The following NF1 variants were observed in gnomAD, a reference collection of about 807,000 sequenced individuals.
The protein encoded by NF1 is neurofibromin 1.
Under a neutral mutation model 325.7 loss-of-function variants are expected in NF1, and 122 were observed. The observed-to-expected ratio is 0.37, with a 90% CI of 0.32 to 0.44. The LOEUF (loss-of-function observed/expected upper bound fraction) is 0.44, where lower values mean the gene tolerates loss of function less well. Among genes scored for constraint, NF1 ranks in the 20% least tolerant of loss-of-function variants. The pLI is 1.00. For missense variants in NF1, 2,140 were observed against 3,415.4 expected, an observed-to-expected ratio of 0.63 and a Z score of 9.31; for synonymous variants, 1,091 against 1,186.0, an observed-to-expected ratio of 0.92 and a Z score of 1.65.
chr17:31,320,549 A>G, intron 36 of NF1: 1 of 864,238 alleles, frequency 1.2e-6, no homozygotes, highest in Admixed American at 2.3e-5. Flanking sequence ...AAGAAATGTG[A>G]TACGTTGAGT....
intron 29 of NF1, among the ~76,000 whole-genome samples, chr17:31,248,489 A>G (rs577842713): frequency 7.2e-5 from 11 of 152,112 alleles, no homozygotes; most frequent in African/African-American, 2.7e-4. Flanking sequence ...TATATCTAAG[A>G]CTAGTTTTCT....
intron 36 of NF1, among the ~76,000 whole-genome samples, chr17:31,280,914 A>G (rs2068107159): frequency 6.6e-6 from 1 of 151,826 alleles, no homozygotes; most frequent in Admixed American, 6.6e-5. Context: ...TTCTTAAAGG[A>G]AAGTTTATAC....
Position 31,260,355 on chromosome 17 carries a change from T to C in NF1, c.4431-14T>C, listed in dbSNP as rs1157589742. On this transcript the variant is annotated splice_polypyrimidine_tract_variant and intron_variant, in intron 33 of 57. Transcript: ENST00000358273. ...TCTGGTGTTGAAAATTCTAATGACTTTGCATTTTTGAAGGTTTTTCCTTGA... is the reference window on the plus strand; with the variant it reads ...TCTGGTGTTGAAAATTCTAATGACTCTGCATTTTTGAAGGTTTTTCCTTGA... 3.1e-6 allele frequency: 5 copies of C among 1,613,440 alleles called. No individual in the cohort carries two copies. Among genetic ancestry groups the C allele is most frequent in the Non-Finnish European group, 4.2e-6 (5 of 1,179,770 alleles).
intron 36 of NF1, among the ~76,000 whole-genome samples, chr17:31,282,132 C>T (rs2068130994): frequency 2.6e-5 from 4 of 151,834 alleles, no homozygotes; most frequent in Admixed American, 6.6e-5. Flanking sequence ...CCTGTAATCC[C>T]AGCACTTTGG....
intron 48 of NF1, among the ~76,000 whole-genome samples, 177 bp from the exon 49 acceptor site, chr17:31,348,939 ATAAT>A (rs1455648758): frequency 1.3e-5 from 2 of 152,204 alleles, no homozygotes; most frequent in African/African-American, 2.4e-5. Flanking sequence ...AATCTTATAC[ATAAT>A]TAATTATTCT....
At chr17:31,270,256 C>A (rs1014341909) in intron 36 of NF1, among the ~76,000 whole-genome samples, 1 of 152,184 alleles carries the variant, frequency 6.6e-6, no homozygotes, top group South Asian at 2.1e-4. Context: ...TTATCTATCT[C>A]TATGTTGTTT....
chr17:31,335,939 G>A (rs1001869337), intron 40 of NF1, among the ~76,000 whole-genome samples: 8 of 144,996 alleles, frequency 5.5e-5, no homozygotes, highest in Admixed American at 2.9e-4. Context: ...CAATCCGCCC[G>A]CCTCAGCCTC....
chr17:31,317,745 TA>T (rs1475012566), intron 36 of NF1: 1 of 152,230 alleles, frequency 6.6e-6, no homozygotes, highest in Non-Finnish European at 1.5e-5. Flanking sequence ...AACACTTTCT[TA>T]CGTGTGCCAT....
chr17:31,310,340 A>C (rs1426742267), intron 36 of NF1, among the ~76,000 whole-genome samples: 1 of 152,122 alleles, frequency 6.6e-6, no homozygotes. Flanking sequence ...GAAAAGAAGA[A>C]AAGTTAATAA....
chr17:31,298,683 G>A (rs2068514746), intron 36 of NF1, among the ~76,000 whole-genome samples: 1 of 151,974 alleles, frequency 6.6e-6, no homozygotes, highest in Non-Finnish European at 1.5e-5. Flanking sequence ...ACTCTCAATT[G>A]GATTCTTACT....
rs377481833 is a variant in NF1, at chr17:31,163,353, A to G, written c.456A>G (p.Ala152=). The change falls in exon 4 of 58, where the codon GCA becomes GCG. Residue 152 remains alanine (A), a synonymous_variant. Transcript: ENST00000358273. ...LFSLSCNNFN[A]VFSRISTRLQ... ...CTCTCAGCTGCAACAACTTCAATGCAGTCTTTAGTCGCATTTCTACCAGGT... is the reference window on the plus strand; with the variant it reads ...CTCTCAGCTGCAACAACTTCAATGCGGTCTTTAGTCGCATTTCTACCAGGT... 17 of 1,614,062 alleles carry G rather than the reference A, an allele frequency of 1.1e-5. No homozygotes were observed. In the African/African-American group the frequency reaches 2.1e-4, roughly 20 times the overall value.
intron 1 of NF1, among the ~76,000 whole-genome samples, chr17:31,104,995 C>G (rs140398049): frequency 1.3e-5 from 2 of 152,286 alleles, no homozygotes; most frequent in African/African-American, 2.4e-5. Context: ...GCCTCGAACT[C>G]CTGGGCTCAA....
chr17:31,248,631 T>G (rs1314297324), intron 29 of NF1, among the ~76,000 whole-genome samples: 3 of 152,158 alleles, frequency 2.0e-5, no homozygotes, highest in Non-Finnish European at 4.4e-5. Flanking sequence ...ACCTCCCAGG[T>G]TCAAGTGATT....
chr17:31,351,541 C>T (rs1272392899), intron 50 of NF1, among the ~76,000 whole-genome samples: 2 of 152,130 alleles, frequency 1.3e-5, no homozygotes, highest in Non-Finnish European at 2.9e-5. Context: ...CTCATCCTCC[C>T]GAGTAGCTGG....
chr17:31,145,289 T>C (rs1916510323), intron 1 of NF1, among the ~76,000 whole-genome samples: 1 of 152,026 alleles, frequency 6.6e-6, no homozygotes, highest in Non-Finnish European at 1.5e-5. Context: ...GCCTCCCGGG[T>C]TCAAGCAATT....
rs2070593876 is a variant in NF1 at position 31,369,613 on chromosome 17, A to C, written c.8378-4400A>C. On this transcript the variant is annotated intron_variant, in intron 57 of 57. Coordinates refer to ENST00000358273, the MANE Select transcript of NF1 (RefSeq NM_001042492.3). The stretch of plus-strand genomic sequence containing the variant: ...GTTTGTTGTCCACCAAAGGCCAGAA[A>C]GGAGAGCCAATGCTTTAGGGGCAAA... Among the ~76,000 whole-genome samples, 2 of 152,236 alleles carry C rather than the reference A, an allele frequency of 1.3e-5. 1 individual carries two copies. Among genetic ancestry groups the C allele is most frequent in the South Asian group, 4.1e-4 (2 of 4,838 alleles).
At chr17:31,176,518 C>G (rs1175522145) in intron 5 of NF1, among the ~76,000 whole-genome samples, 2 of 152,132 alleles carry the variant, frequency 1.3e-5, no homozygotes, top group African/African-American at 4.8e-5. Context: ...TTAATTAGAT[C>G]CCATTTGTCA....
chr17:31,131,180 A>G (rs1276312752), intron 1 of NF1, among the ~76,000 whole-genome samples: 1 of 152,154 alleles, frequency 6.6e-6, no homozygotes, highest in South Asian at 2.1e-4. Context: ...GCCCTGTTGC[A>G]CTACAGATGC....
At chr17:31,154,186 GCT>G (rs1437575299) in intron 1 of NF1, among the ~76,000 whole-genome samples, 6 of 149,986 alleles carry the variant, frequency 4.0e-5, no homozygotes, top group Non-Finnish European at 8.9e-5. Flanking sequence ...CTCCCTAGTA[GCT>G]GGGATTACAG....
Sources: gnomAD v4.1 joint callset for allele counts (sites outside exome capture counted in the v4.1 genomes callset) on GRCh38, gnomAD v4.1.1 for gene constraint, MANE v1.5 for transcripts, NCBI Gene and HGNC (gene_info 2026-07-23, HGNC 2026-07-21) for gene names.